The following CAMK2B variants were observed in gnomAD, a reference collection of about 807,000 sequenced individuals.
The protein encoded by CAMK2B is calcium/calmodulin dependent protein kinase II beta.
In CAMK2B, 27 loss-of-function variants were observed where a neutral mutation model predicts 93.7. The observed-to-expected ratio is 0.29, with a 90% CI of 0.21 to 0.40. CAMK2B has a LOEUF of 0.40. Among genes scored for constraint, CAMK2B ranks in the 10% least tolerant of loss-of-function variants. The pLI, the probability that CAMK2B is intolerant of heterozygous loss-of-function variation, is 1.00. For missense variants in CAMK2B, 568 were observed against 895.8 expected (o/e 0.63, Z 4.67); for synonymous variants, 374 against 358.8 (o/e 1.04, Z -0.48).
intron 1 of CAMK2B, among the ~76,000 whole-genome samples, chr7:44,296,115 A>G (rs1466507192): frequency 1.3e-5 from 2 of 152,352 alleles, no homozygotes; most frequent in East Asian, 3.9e-4. Flanking sequence ...GATACAGAGC[A>G]TGCACCAGAA....
At chr7:44,223,412 G>C (rs1463722134) in intron 20 of CAMK2B, among the ~76,000 whole-genome samples, 2 of 152,152 alleles carry the variant, frequency 1.3e-5, no homozygotes, top group Non-Finnish European at 2.9e-5. Context: ...AGGAAGGTAG[G>C]CTGCAGGATC....
At chr7:44,324,436 G>A (rs1010319915) in intron 1 of CAMK2B, among the ~76,000 whole-genome samples, 14 of 152,178 alleles carry the variant, frequency 9.2e-5, no homozygotes, top group Admixed American at 8.5e-4. Context: ...AGGCCAGACA[G>A]GAGGCCCCTG....
rs1373317357 is a variant in CAMK2B, at chr7:44,229,841, C to A, written c.1226-340G>T. 3 of 234,448 alleles carry A rather than the reference C, an allele frequency of 1.3e-5. No individual in the cohort carries two copies. In the East Asian group the frequency reaches 2.5e-4, roughly 19 times the overall value. The allele number at this position is 234,448 out of a possible 1,614,324, so 14.5% of individuals were successfully genotyped here. A position where few individuals can be genotyped will look rare whatever the true frequency, so the allele number is the denominator to read the frequency against. On this transcript the variant is annotated intron_variant, in intron 17 of 23. Coordinates refer to ENST00000395749, the MANE Select transcript of CAMK2B (RefSeq NM_001220.5). ...CTGGCCAGAGCCAGCAGAGGCCAGG[C>A]GCACGGAGAGGGAGTGACAGTCATC... is the stretch of plus-strand genomic sequence containing the variant.
chr7:44,267,022 G>A lies in CAMK2B; in HGVS notation c.161-3958C>T, dbSNP rs113816771. 1,325 of 152,380 alleles carry A rather than the reference G, an allele frequency of 8.7e-3. 6 individuals carry two copies. Among genetic ancestry groups the A allele is most frequent in the Middle Eastern group, 0.017 (5 of 296 alleles). The allele number at this position is 152,380 out of a possible 1,614,324, so 9.4% of individuals were successfully genotyped here. ...ACCTCTACGTGCACACTGGCTCCGG[G>A]AACTGCAGTTCCCTGTGATGCTGAG... On this transcript the variant is annotated intron_variant, in intron 2 of 23. Transcript: ENST00000395749.
At chr7:44,297,980 C>G (rs1788760054) in intron 1 of CAMK2B, among the ~76,000 whole-genome samples, 2 of 152,108 alleles carry the variant, frequency 1.3e-5, no homozygotes. Context: ...AAAAATTAGC[C>G]AGGCTTGGTG....
chr7:44,298,986 A>G (rs1789122737), intron 1 of CAMK2B, among the ~76,000 whole-genome samples: 1 of 152,234 alleles, frequency 6.6e-6, no homozygotes, highest in Non-Finnish European at 1.5e-5. Context: ...ACAGTTTGGC[A>G]GCTCCTCAGA....
At chr7:44,321,465 C>T (rs1458088715) in intron 1 of CAMK2B, among the ~76,000 whole-genome samples, 1 of 152,146 alleles carries the variant, frequency 6.6e-6, no homozygotes, top group Non-Finnish European at 1.5e-5. Context: ...GCTCAGGGGC[C>T]ATTCTTGCTG....
At chr7:44,272,449 G>A (rs370749370) in intron 2 of CAMK2B, among the ~76,000 whole-genome samples, 15 of 152,184 alleles carry the variant, frequency 9.9e-5, no homozygotes, top group African/African-American at 2.4e-4. Context: ...GCAAGAGGGC[G>A]GCTCTTGCTG....
intron 11 of CAMK2B, 63 bp downstream of exon 11, chr7:44,241,637 G>T: frequency 1.5e-6 from 2 of 1,357,150 alleles, no homozygotes; most frequent in Non-Finnish European, 2.1e-6. Flanking sequence ...AGGCCCCCCT[G>T]CTCCAGCCCA....
In CAMK2B at chr7:44,271,615, C is replaced by A. The variant is rs1267397729; in HGVS notation, c.161-8551G>T. On this transcript the variant is annotated intron_variant, in intron 2 of 23. Transcript: ENST00000395749. This position sits in a 1 kb window ranked among gnomAD's most constrained non-coding sequence, Gnocchi z 4.2. ...GCTGCCAGCAAGTCCCTTGGTAGCACTGACCTTGGATTTATTTGAGACCAG... is the reference window on the plus strand; with the variant it reads ...GCTGCCAGCAAGTCCCTTGGTAGCAATGACCTTGGATTTATTTGAGACCAG... 2.6e-5 allele frequency among the ~76,000 whole-genome samples: 4 copies of A among 152,242 alleles called. No individual in the cohort carries two copies. Among genetic ancestry groups the A allele is most frequent in the African/African-American group, 9.6e-5 (4 of 41,452 alleles).
At position 44,286,510 on chromosome 7, in the gene CAMK2B, C is replaced by T. The variant is rs1354632241; in HGVS notation, c.66-2285G>A. Among the ~76,000 whole-genome samples, 2 of 152,234 alleles carry T rather than the reference C, an allele frequency of 1.3e-5. No individual in the cohort carries two copies. The highest frequency in any genetic ancestry group is 2.9e-5 in the Non-Finnish European group (2 of 68,042). On this transcript the variant is annotated intron_variant, in intron 1 of 23. Transcript: ENST00000395749. The surrounding 1 kb of genome is among the most constrained non-coding windows in gnomAD (Gnocchi z 4.0). ...CAAGCGCAGCTTCCCACCAGCACAGCAGGCTCCCAGCTGCTGGCCAGACTC... is the reference window on the plus strand; with the variant it reads ...CAAGCGCAGCTTCCCACCAGCACAGTAGGCTCCCAGCTGCTGGCCAGACTC...
In CAMK2B at chr7:44,286,810, C is replaced by G. The variant is rs1334001537; in HGVS notation, c.66-2585G>C. ...ACTGCCAGAGCCAGGGGGCCAAGGCCAGGCAGCGCCGCTGAGGAAGGAGGA... is the reference window on the plus strand; with the variant it reads ...ACTGCCAGAGCCAGGGGGCCAAGGCGAGGCAGCGCCGCTGAGGAAGGAGGA... On this transcript the variant is annotated intron_variant, in intron 1 of 23. Transcript: ENST00000395749. The surrounding 1 kb of genome is among the most constrained non-coding windows in gnomAD (Gnocchi z 4.0). 6.6e-6 allele frequency among the ~76,000 whole-genome samples: 1 copy of G among 152,192 alleles called. No individual in the cohort carries two copies. Among genetic ancestry groups the G allele is most frequent in the Non-Finnish European group, 1.5e-5 (1 of 68,032 alleles).
chr7:44,325,113 C>CCCCGG (rs1026606245), intron 1 of CAMK2B: 1 of 151,122 alleles, frequency 6.6e-6, no homozygotes. Flanking sequence ...GAGCCCGGAG[C>CCCCGG]CCCGGCCCGG....
At chr7:44,283,238 G>T (rs1466908130) in intron 2 of CAMK2B, among the ~76,000 whole-genome samples, 2 of 152,248 alleles carry the variant, frequency 1.3e-5, no homozygotes, top group Non-Finnish European at 2.9e-5. Context: ...ATCATCATCA[G>T]ATTTGCTGTG....
intron 5 of CAMK2B, 93 bp downstream of exon 5, chr7:44,254,449 C>G: frequency 1.1e-6 from 1 of 905,046 alleles, no homozygotes; most frequent in South Asian, 1.4e-5. Flanking sequence ...CAGCACCAGA[C>G]GTGGGTTAGA....
At chr7:44,313,502 G>A (rs1350123235) in intron 1 of CAMK2B, among the ~76,000 whole-genome samples, 1 of 150,170 alleles carries the variant, frequency 6.7e-6, no homozygotes, top group Non-Finnish European at 1.5e-5. Flanking sequence ...TAGAGTCCCA[G>A]AACGTGAGGT....
In CAMK2B at chr7:44,325,582, G is replaced by A. The variant is rs1469108756; in HGVS notation, c.-161C>T. ...GGCTGGGCTGCGCCGGGCGGCGAGCGCACGCGAGATCTGCTCGCTCCGTCC... is the reference window on the plus strand; with the variant it reads ...GGCTGGGCTGCGCCGGGCGGCGAGCACACGCGAGATCTGCTCGCTCCGTCC... On this transcript the variant is annotated 5_prime_UTR_variant, in exon 1 of 24. Transcript: ENST00000395749. 2.0e-5 allele frequency: 4 copies of A among 199,478 alleles called. No individual in the cohort carries two copies. Among genetic ancestry groups the A allele is most frequent in the Non-Finnish European group, 3.5e-5 (4 of 114,222 alleles). 12.4% of individuals were successfully genotyped at this position (199,478 alleles called of 1,614,324 possible). A position where few individuals can be genotyped will look rare whatever the true frequency, so the allele number is the denominator to read the frequency against.
In CAMK2B at chr7:44,220,889, T is replaced by C; in HGVS notation, c.1610A>G (p.Glu537Gly). 3 of 1,569,174 alleles carry C rather than the reference T, an allele frequency of 1.9e-6. No individual in the cohort carries two copies. Among genetic ancestry groups the C allele is most frequent in the Non-Finnish European group, 1.7e-6 (2 of 1,156,036 alleles). Residue 537 changes from glutamate to glycine, a missense_variant, in exon 21 of 24, where the codon GAG becomes GGG. Transcript: ENST00000395749. ...GPLPTPSRKQEIIKTTEQLIE... is the reference protein window; with the variant it reads ...GPLPTPSRKQGIIKTTEQLIE... The stretch of plus-strand genomic sequence containing the variant: ...GAGCTGCTCCGTGGTCTTAATGATC[T>C]CCTGCTTCCGGGCTGTGGGGAGACA...
chr7:44,281,200 C>A (rs2097099657), intron 2 of CAMK2B, among the ~76,000 whole-genome samples: 1 of 152,240 alleles, frequency 6.6e-6, no homozygotes, highest in Admixed American at 6.5e-5. Flanking sequence ...CTGGGCCTGG[C>A]ATCTCTTCAG....
Sources: allele counts gnomAD v4.1 joint callset (sites outside exome capture counted in the v4.1 genomes callset), GRCh38; gene constraint gnomAD v4.1.1; non-coding constraint Gnocchi (gnomAD v3.1); transcripts MANE v1.5; gene names NCBI Gene and HGNC (gene_info 2026-07-23, HGNC 2026-07-21).